The following MTMR2 variants were observed in gnomAD, a reference collection of about 807,000 sequenced individuals.
The protein encoded by MTMR2 is myotubularin related protein 2.
MTMR2 carries 55 observed loss-of-function variants against 86.9 expected under a neutral mutation model. The ratio of observed to expected loss-of-function variants is 0.63; its 90% CI spans 0.51 to 0.79. The LOEUF (loss-of-function observed/expected upper bound fraction) is 0.79, where lower values mean the gene tolerates loss of function less well. Ranked by LOEUF, MTMR2 falls within the 30% of genes least tolerant of loss-of-function variation. MTMR2 has a pLI of 0.00. For synonymous variants in MTMR2, 241 were observed against 266.8 expected (o/e 0.90, Z 0.94); for missense variants, 659 against 772.3 (o/e 0.85, Z 1.74).
chr11:95,897,379 T>A (rs1591034409), intron 1 of MTMR2, among the ~76,000 whole-genome samples: 1 of 152,150 alleles, frequency 6.6e-6, no homozygotes, highest in South Asian at 2.1e-4. Flanking sequence ...TTTTTAGTAT[T>A]TTAATTATGT....
chr11:95,891,634 C>G (rs1438668206), intron 1 of MTMR2, among the ~76,000 whole-genome samples: 1 of 152,162 alleles, frequency 6.6e-6, no homozygotes, highest in Non-Finnish European at 1.5e-5. Context: ...ATTAACTTCT[C>G]TTCAGACACA....
intron 2 of MTMR2, among the ~76,000 whole-genome samples, chr11:95,880,315 G>A (rs1431851989): frequency 1.3e-5 from 2 of 152,000 alleles, no homozygotes. Flanking sequence ...TTTGTTTATT[G>A]AAATTTACTT....
intron 11 of MTMR2, among the ~76,000 whole-genome samples, chr11:95,843,698 A>G (rs1863648535): frequency 6.6e-6 from 1 of 152,184 alleles, no homozygotes; most frequent in Non-Finnish European, 1.5e-5. Context: ...TAAATTTGCA[A>G]AAGTAAAACA....
chr11:95,910,127 G>GCA (rs71040121), intron 1 of MTMR2, among the ~76,000 whole-genome samples: 31,346 of 147,110 alleles, frequency 0.21, 3,683 homozygotes, highest in East Asian at 0.29. Flanking sequence ...ACGCATGCAC[G>GCA]CACACACACA....
At chr11:95,842,648 G>A (rs191013273) in intron 11 of MTMR2, among the ~76,000 whole-genome samples, 1 of 152,310 alleles carries the variant, frequency 6.6e-6, no homozygotes, top group East Asian at 1.9e-4. Context: ...CAAGGGCTGT[G>A]AGGTCAAAAC....
chr11:95,847,950 A>C (rs1306614540), intron 9 of MTMR2, 51 bp from the exon 10 acceptor site: 1 of 1,498,876 alleles, frequency 6.7e-7, no homozygotes, highest in Admixed American at 1.7e-5. Flanking sequence ...CACATCTGTA[A>C]ACAAGTGACA....
intron 1 of MTMR2, among the ~76,000 whole-genome samples, chr11:95,916,901 A>G (rs1336377644): frequency 1.3e-5 from 2 of 152,142 alleles, no homozygotes; most frequent in Non-Finnish European, 2.9e-5. Flanking sequence ...TTGCTTATTA[A>G]CAGTTTGTAT....
chr11:95,872,211 T>C (rs910628313), intron 2 of MTMR2, among the ~76,000 whole-genome samples: 9 of 152,126 alleles, frequency 5.9e-5, no homozygotes, highest in African/African-American at 1.9e-4. Flanking sequence ...TTACCTTGGG[T>C]AGTATGGCCA....
At chr11:95,887,726 G>A (rs893805077) in intron 2 of MTMR2, 5 of 185,768 alleles carry the variant, frequency 2.7e-5, no homozygotes, top group African/African-American at 1.2e-4. Flanking sequence ...TGAGATCTTG[G>A]ACATATTACT....
At chr11:95,879,458 G>A (rs933330433) in intron 2 of MTMR2, among the ~76,000 whole-genome samples, 1 of 152,068 alleles carries the variant, frequency 6.6e-6, no homozygotes, top group African/African-American at 2.4e-5. Flanking sequence ...AATTTTTTCA[G>A]ATTTGTTTTT....
intron 2 of MTMR2, among the ~76,000 whole-genome samples, chr11:95,884,246 A>G (rs1206650826): frequency 6.6e-6 from 1 of 152,220 alleles, no homozygotes; most frequent in Non-Finnish European, 1.5e-5. Flanking sequence ...TAAAAAATTG[A>G]GAGAGGAAAT....
At chr11:95,903,373 C>T (rs1866144110) in intron 1 of MTMR2, among the ~76,000 whole-genome samples, 2 of 152,290 alleles carry the variant, frequency 1.3e-5, no homozygotes, top group South Asian at 4.1e-4. Flanking sequence ...TACAGTCGTT[C>T]CCTTGCCCTT....
intron 2 of MTMR2, among the ~76,000 whole-genome samples, chr11:95,870,789 G>A (rs1294275792): frequency 6.8e-6 from 1 of 148,000 alleles, no homozygotes; most frequent in African/African-American, 2.6e-5. Flanking sequence ...ACAATGTGCA[G>A]GTTTGTTACA....
At chr11:95,882,889 ATTTTT>A (rs776661875) in intron 2 of MTMR2, among the ~76,000 whole-genome samples, 2 of 76,078 alleles carry the variant, frequency 2.6e-5, no homozygotes, top group Non-Finnish European at 4.7e-5. Flanking sequence ...CATCCAGCTA[ATTTTT>A]TTTTTTTTTT....
Position 95,841,634 on chromosome 11 carries a change from A to G in MTMR2, c.1462T>C (p.Trp488Arg). ...TAAATTACCTGTCTTGTCATCTGCC[A>G]GACACAGTCAATAAATTGAAGAAAA... ...PVFLQFIDCV[W>R]QMTRQFPTAF... The change falls in exon 12 of 15, where the codon TGG becomes CGG. Residue 488 changes from tryptophan (W) to arginine (R), a missense_variant. Trp to Arg is a moderately radical substitution (Grantham distance 101). Around this residue, in one of 3 missense-constraint regions of MTMR2, gnomAD observed 193 missense variants for 191.6 expected, o/e 1.01. Transcript: ENST00000346299. The G allele has an allele frequency of 3.1e-6, 5 of 1,612,666 alleles. No individual in the cohort carries two copies. The highest frequency in any genetic ancestry group is 4.2e-6 in the Non-Finnish European group (5 of 1,178,690).
intron 12 of MTMR2, among the ~76,000 whole-genome samples, chr11:95,839,369 T>A (rs1420251550): frequency 6.6e-6 from 1 of 152,038 alleles, no homozygotes; most frequent in African/African-American, 2.4e-5. Flanking sequence ...TTCACACTCT[T>A]AACAGCCCTA....
At chr11:95,910,650 C>G (rs1242113296) in intron 1 of MTMR2, among the ~76,000 whole-genome samples, 1 of 152,050 alleles carries the variant, frequency 6.6e-6, no homozygotes, top group East Asian at 1.9e-4. Flanking sequence ...AATTTTTCTT[C>G]AATATTCCGT....
intron 1 of MTMR2, 29 bp from the exon 2 acceptor site, chr11:95,888,290 G>A: frequency 6.7e-7 from 1 of 1,500,442 alleles, no homozygotes; most frequent in South Asian, 1.1e-5. Context: ...CAGTATGTTG[G>A]AAAAATGGGG....
At chr11:95,868,946 T>C (rs558961229) in intron 2 of MTMR2, among the ~76,000 whole-genome samples, 4 of 151,460 alleles carry the variant, frequency 2.6e-5, no homozygotes, top group African/African-American at 9.7e-5. Flanking sequence ...AGAAATACTT[T>C]TTAGAAAAAA....
Sources: gnomAD v4.1 joint callset for allele counts (sites outside exome capture counted in the v4.1 genomes callset) on GRCh38, gnomAD v4.1.1 for gene constraint, gnomAD v4.1.1 regional missense constraint, MANE v1.5 for transcripts, NCBI Gene and HGNC (gene_info 2026-07-23, HGNC 2026-07-21) for gene names.